The following BACH1 variants were observed in gnomAD, a reference collection of about 807,000 sequenced individuals.
BACH1 encodes BTB domain and CNC homolog 1, also known as transcription regulator protein BACH1.
BACH1 carries 35 observed loss-of-function variants against 52.9 expected under a neutral mutation model. The observed-to-expected ratio is 0.66, with a 90% confidence interval of 0.51 to 0.88. The LOEUF (loss-of-function observed/expected upper bound fraction) is 0.88. Ranked by LOEUF, BACH1 falls within the 40% of genes least tolerant of loss-of-function variation. The probability of loss-of-function intolerance (pLI) is 0.00; values close to 1 mark genes in which losing one functional copy is unlikely to be tolerated. For synonymous variants in BACH1, 321 were observed against 319.6 expected (o/e 1.00, Z -0.05); for missense variants, 808 against 872.6 (o/e 0.93, Z 0.93).
chr21:29,327,185 C>G lies in BACH1; in HGVS notation c.1361C>G (p.Thr454Arg). ...ESPEPGQRTF[T>R]TLSSVNCPFI... ...CCAGAACCAGGTCAAAGGACTTTCA[C>G]AACATTAAGTTCTGTCAACTGCCCT... Residue 454 changes from threonine (T) to arginine (R), a missense_variant, in exon 3 of 5, where the codon ACA (threonine) becomes AGA (arginine). Transcript: ENST00000286800. 12 of 1,614,218 alleles carry G rather than the reference C, an allele frequency of 7.4e-6. No homozygotes were observed. Among genetic ancestry groups the G allele is most frequent in the Non-Finnish European group, 1.0e-5 (12 of 1,180,044 alleles).
chr21:29,342,737 C>G lies in BACH1; in HGVS notation c.2115C>G (p.Thr705=), dbSNP rs376255907. 1 of 1,614,194 alleles carries G rather than the reference C, an allele frequency of 6.2e-7. No individual in the cohort carries two copies. Among genetic ancestry groups the G allele is most frequent in the Non-Finnish European group, 8.5e-7 (1 of 1,180,044 alleles). Residue 705 remains threonine, a synonymous_variant, in exon 5 of 5, where the codon ACC becomes ACG. Coordinates refer to ENST00000286800, the MANE Select transcript of BACH1 (RefSeq NM_001186.4). The part of the protein sequence containing the change: ...GQESQQMSTA[T]SEQAGPAEQC... ...AGTCCCAGCAGATGTCCACAGCCAC[C>G]TCTGAGCAAGCTGGGCCTGCGGAAC...
intron 4 of BACH1, among the ~76,000 whole-genome samples, chr21:29,338,522 G>A (rs1228620512): frequency 6.6e-6 from 1 of 151,924 alleles, no homozygotes; most frequent in Non-Finnish European, 1.5e-5. Context: ...CTACAGGTGC[G>A]CACCACCATG....
chr21:29,315,898 A>G (rs893791176), intron 1 of BACH1, among the ~76,000 whole-genome samples: 1 of 152,078 alleles, frequency 6.6e-6, no homozygotes, highest in Admixed American at 6.5e-5. Context: ...TTGGCACTTA[A>G]TGCATCATAT....
At chr21:29,360,859 A>C (rs1245502299) in intron 2 of BACH1, among the ~76,000 whole-genome samples, 7 of 151,410 alleles carry the variant, frequency 4.6e-5, no homozygotes, top group East Asian at 1.9e-4. Flanking sequence ...AAAAAAAAAA[A>C]AACAAAAAAA....
intron 1 of BACH1, among the ~76,000 whole-genome samples, chr21:29,309,893 G>A (rs7279721): frequency 0.02 from 3,034 of 152,212 alleles, 81 homozygotes; most frequent in African/African-American, 0.061. Context: ...GACAGATAGG[G>A]TGGGAGCTAC....
At chr21:29,340,943 C>T (rs1255101782) in intron 4 of BACH1, among the ~76,000 whole-genome samples, 1 of 148,358 alleles carries the variant, frequency 6.7e-6, no homozygotes, top group African/African-American at 2.5e-5. Context: ...ACATACTTAA[C>T]ACGCACATTC....
chr21:29,342,800 G>A lies in BACH1; in HGVS notation c.2178G>A (p.Gln726=). 6.2e-7 allele frequency: 1 copy of A among 1,607,970 alleles called. No individual in the cohort carries two copies. Among genetic ancestry groups the A allele is most frequent in the Non-Finnish European group, 8.5e-7 (1 of 1,175,230 alleles). The change falls in exon 5 of 5, where the codon CAG becomes CAA. Residue 726 remains glutamine (Q), a synonymous_variant. Transcript: ENST00000286800. ...RQSGGISDFC[Q]QMTDKCTTDE ...GTGGTGGGATCTCAGATTTCTGTCA[G>A]CAGATGACTGATAAATGTACTACTG...
intron 1 of BACH1, among the ~76,000 whole-genome samples, chr21:29,309,824 C>A (rs2088699792): frequency 6.6e-6 from 1 of 152,128 alleles, no homozygotes; most frequent in Non-Finnish European, 1.5e-5. Context: ...ACTTGATTTC[C>A]TGTTGTCCCT....
At chr21:29,312,235 T>A (rs768776397) in intron 1 of BACH1, among the ~76,000 whole-genome samples, 1 of 152,142 alleles carries the variant, frequency 6.6e-6, no homozygotes, top group Non-Finnish European at 1.5e-5. Flanking sequence ...ATTCTTTGCT[T>A]TTTTCCCCTC....
intron 1 of BACH1, among the ~76,000 whole-genome samples, chr21:29,303,196 C>T (rs2088621569): frequency 6.6e-6 from 1 of 152,166 alleles, no homozygotes; most frequent in Non-Finnish European, 1.5e-5. Flanking sequence ...AGATGATATG[C>T]CTGTACTAAT....
At chr21:29,338,981 CAG>C (rs2089078497) in intron 4 of BACH1, among the ~76,000 whole-genome samples, 1 of 151,956 alleles carries the variant, frequency 6.6e-6, no homozygotes, top group South Asian at 2.1e-4. Context: ...TTTCTTAGTT[CAG>C]AGAGGTTGTC....
At chr21:29,301,413 G>A (rs528919167) in intron 1 of BACH1, among the ~76,000 whole-genome samples, 1 of 152,196 alleles carries the variant, frequency 6.6e-6, no homozygotes, top group African/African-American at 2.4e-5. Context: ...TTCAACAACC[G>A]GAATGCTTTT....
At chr21:29,357,880 T>C (rs1042467651) in intron 2 of BACH1, among the ~76,000 whole-genome samples, 13 of 152,194 alleles carry the variant, frequency 8.5e-5, no homozygotes, top group African/African-American at 3.1e-4. Context: ...AATGGGTAAC[T>C]CGTTCCCCAT....
intron 2 of BACH1, among the ~76,000 whole-genome samples, chr21:29,358,716 G>T (rs555011080): frequency 1.3e-4 from 19 of 148,898 alleles, no homozygotes; most frequent in African/African-American, 4.5e-4. Context: ...TTCCAGCCTG[G>T]GTGACAGAGT....
chr21:29,328,769 G>T (rs895153996), intron 3 of BACH1, among the ~76,000 whole-genome samples: 1 of 151,982 alleles, frequency 6.6e-6, no homozygotes, highest in African/African-American at 2.4e-5. Context: ...TGACTGTTCT[G>T]TCTACTTCGT....
At chr21:29,340,945 C>T (rs1477970183) in intron 4 of BACH1, among the ~76,000 whole-genome samples, 6 of 148,456 alleles carry the variant, frequency 4.0e-5, no homozygotes, top group South Asian at 4.2e-4. Context: ...ATACTTAACA[C>T]GCACATTCTT....
intron 1 of BACH1, among the ~76,000 whole-genome samples, chr21:29,319,637 A>G (rs952890788): frequency 6.7e-5 from 10 of 150,216 alleles, no homozygotes; most frequent in Admixed American, 6.0e-4. Context: ...TGCTGTGTTC[A>G]AAAGAATGAT....
At chr21:29,311,458 T>C (rs2088720879) in intron 1 of BACH1, among the ~76,000 whole-genome samples, 1 of 148,144 alleles carries the variant, frequency 6.8e-6, no homozygotes, top group African/African-American at 2.5e-5. Flanking sequence ...AGAACAACCT[T>C]ATCTGCTGCA....
chr21:29,341,333 C>T (rs1601368013), intron 4 of BACH1, among the ~76,000 whole-genome samples: 1 of 152,158 alleles, frequency 6.6e-6, no homozygotes, highest in Non-Finnish European at 1.5e-5. Flanking sequence ...AACAGAACAA[C>T]ACTGACTTGT....
Sources: allele counts gnomAD v4.1 joint callset (sites outside exome capture counted in the v4.1 genomes callset), GRCh38; gene constraint gnomAD v4.1.1; transcripts MANE v1.5; gene names NCBI Gene and HGNC (gene_info 2026-07-23, HGNC 2026-07-21).